Variants in TOX observed in about 807,000 individuals in gnomAD.
TOX encodes thymocyte selection associated high mobility group box.
TOX carries 11 observed loss-of-function variants against 53.7 expected under a neutral mutation model. The observed-to-expected ratio is 0.20, with a 90% CI of 0.13 to 0.34. The LOEUF (loss-of-function observed/expected upper bound fraction) is 0.34, where lower values mean the gene tolerates loss of function less well. Among genes scored for constraint, TOX ranks in the 10% least tolerant of loss-of-function variants. The pLI, the probability that TOX is intolerant of heterozygous loss-of-function variation, is 1.00. For missense variants in TOX, 570 were observed against 664.6 expected (o/e 0.86, Z 1.56); for synonymous variants, 225 against 245.3 (o/e 0.92, Z 0.77).
intron 5 of TOX, among the ~76,000 whole-genome samples, chr8:58,836,737 T>A (rs1810552652): frequency 1.3e-5 from 2 of 152,114 alleles, no homozygotes; most frequent in Non-Finnish European, 1.5e-5. Flanking sequence ...TTTCATAGGG[T>A]TTGTTAGGAA....
At chr8:59,049,002 G>A (rs1271745328) in intron 1 of TOX, among the ~76,000 whole-genome samples, 1 of 151,896 alleles carries the variant, frequency 6.6e-6, no homozygotes, top group African/African-American at 2.4e-5. Context: ...AATTAGTCAT[G>A]AGCTCTTTTC....
chr8:58,942,007 C>T (rs998510396), intron 2 of TOX, among the ~76,000 whole-genome samples: 5 of 146,540 alleles, frequency 3.4e-5, no homozygotes, highest in South Asian at 2.1e-4. Context: ...GAGCTGAGAG[C>T]GTGCCACGAC....
intron 3 of TOX, among the ~76,000 whole-genome samples, chr8:58,868,728 A>G (rs1299859040): frequency 1.3e-5 from 2 of 152,112 alleles, no homozygotes; most frequent in African/African-American, 4.8e-5. Context: ...TAAGAAAAGA[A>G]GATCCAAAAA....
chr8:58,834,705 G>A (rs766042811), intron 5 of TOX, among the ~76,000 whole-genome samples: 13 of 152,178 alleles, frequency 8.5e-5, no homozygotes, highest in African/African-American at 1.7e-4. Flanking sequence ...GCAGCAGAGC[G>A]GTGGCCCAGC....
At chr8:59,027,162 A>G (rs531262049) in intron 1 of TOX, among the ~76,000 whole-genome samples, 4 of 152,322 alleles carry the variant, frequency 2.6e-5, no homozygotes, top group African/African-American at 9.6e-5. Context: ...GTTTAATGCT[A>G]AAGTTATGTC....
intron 3 of TOX, among the ~76,000 whole-genome samples, chr8:58,928,589 G>A (rs915530648): frequency 6.6e-6 from 1 of 152,074 alleles, no homozygotes; most frequent in Non-Finnish European, 1.5e-5. Flanking sequence ...ATAGTTACGT[G>A]ATCATAGCCT....
At chr8:58,884,137 G>A (rs1313588599) in intron 3 of TOX, among the ~76,000 whole-genome samples, 1 of 152,178 alleles carries the variant, frequency 6.6e-6, no homozygotes, top group Non-Finnish European at 1.5e-5. Flanking sequence ...CAATTGGAAT[G>A]ACAATATCCT....
At chr8:58,948,400 C>A (rs562726466) in intron 2 of TOX, among the ~76,000 whole-genome samples, 1 of 152,118 alleles carries the variant, frequency 6.6e-6, no homozygotes, top group Non-Finnish European at 1.5e-5. Context: ...GCTTGGGGGT[C>A]TACATAAGTC....
intron 3 of TOX, among the ~76,000 whole-genome samples, chr8:58,865,791 C>T (rs1244710178): frequency 6.7e-6 from 1 of 148,162 alleles, no homozygotes; most frequent in African/African-American, 2.5e-5. Context: ...TTTGTCATTT[C>T]ACTATCTTTT....
At position 59,000,738 on chromosome 8, in the gene TOX, A is replaced by C. The variant is rs146094571; in HGVS notation, c.103-40730T>G. Among the ~76,000 whole-genome samples the C allele has an allele frequency of 5.5e-4, 84 of 152,294 alleles. 1 individual carries two copies. The East Asian group carries it at 0.015, about 27-fold the overall frequency. Reference sequence around the variant, plus strand: ...ATTGAAAACTTCTGTAATGTTTGCTATTTGTACAGCAATACTATATCAGTG... The same window carrying C: ...ATTGAAAACTTCTGTAATGTTTGCTCTTTGTACAGCAATACTATATCAGTG... On this transcript the variant is annotated intron_variant, in intron 1 of 8. Transcript: ENST00000361421.
chr8:58,911,559 T>A (rs910232128), intron 3 of TOX, among the ~76,000 whole-genome samples: 2 of 152,190 alleles, frequency 1.3e-5, no homozygotes, highest in African/African-American at 2.4e-5. Flanking sequence ...CATAGGTAAG[T>A]CTTCATTGAT....
At chr8:59,025,222 G>C (rs1318576617) in intron 1 of TOX, among the ~76,000 whole-genome samples, 1 of 152,106 alleles carries the variant, frequency 6.6e-6, no homozygotes, top group Non-Finnish European at 1.5e-5. Flanking sequence ...CTCTCAGGAT[G>C]AAATTCCCTG....
rs986522786 is a variant in TOX, at chr8:58,939,042, G to C, written c.411+260C>G. Among the ~76,000 whole-genome samples the C allele has an allele frequency of 2.6e-5, 4 of 152,196 alleles. No homozygotes were observed. The South Asian group carries it at 8.3e-4, about 32-fold the overall frequency. ...GGTAAGCCGGTTTGACTCTATGACA[G>C]CACATTCAGTGTCAAACAATATTTA... On this transcript the variant is annotated intron_variant, in intron 3 of 8. Coordinates refer to ENST00000361421, the MANE Select transcript of TOX (RefSeq NM_014729.3).
At chr8:58,977,007 GTATTAACCCCTAA>G (rs1164756976) in intron 1 of TOX, among the ~76,000 whole-genome samples, 4 of 152,182 alleles carry the variant, frequency 2.6e-5, no homozygotes, top group Non-Finnish European at 5.9e-5. Flanking sequence ...ATCACCAGCT[GTATTAACCCCTAA>G]CAATGGAGTC....
At position 58,851,525 on chromosome 8, in the gene TOX, T is replaced by G; in HGVS notation, c.692A>C (p.Lys231Thr). 6.2e-7 allele frequency: 1 copy of G among 1,612,516 alleles called. No homozygotes were observed. Among genetic ancestry groups the G allele is most frequent in the Non-Finnish European group, 8.5e-7 (1 of 1,179,546 alleles). Residue 231 changes from lysine to threonine, a missense_variant and splice_region_variant, in exon 4 of 9, where the codon AAG (lysine) becomes ACG (threonine). Transcript: ENST00000361421. This position sits in a 1 kb window ranked among gnomAD's most constrained non-coding sequence, Gnocchi z 4.4. ...GTCCTAAAAATAACTTATTCATACC[T>G]TAGAGGTATCATCGCCTTCATCTTC... Reference protein sequence around the residue: ...VHEDEGDDTSKINGGEKRPAS... With the variant: ...VHEDEGDDTSTINGGEKRPAS...
At chr8:58,930,723 A>G (rs1812242446) in intron 3 of TOX, among the ~76,000 whole-genome samples, 1 of 152,164 alleles carries the variant, frequency 6.6e-6, no homozygotes, top group Admixed American at 6.5e-5. Flanking sequence ...TATAACTGCT[A>G]TCCAGAACAG....
chr8:58,860,948 A>G (rs968713167), intron 3 of TOX, among the ~76,000 whole-genome samples: 2 of 152,236 alleles, frequency 1.3e-5, no homozygotes, highest in Non-Finnish European at 1.5e-5. Context: ...GTTATGGCGT[A>G]TAGCGTTGCC....
chr8:59,083,479 A>G (rs531715601), intron 1 of TOX, among the ~76,000 whole-genome samples: 1 of 152,318 alleles, frequency 6.6e-6, no homozygotes, highest in Admixed American at 6.5e-5. Context: ...CATCATTTCA[A>G]TTTTAAAATC....
chr8:59,058,721 A>G (rs1259324118), intron 1 of TOX, among the ~76,000 whole-genome samples: 1 of 152,204 alleles, frequency 6.6e-6, no homozygotes, highest in Non-Finnish European at 1.5e-5. Context: ...CCCAGGTTCC[A>G]GAAGGAGCTC....
Sources: gnomAD v4.1 joint callset for allele counts (sites outside exome capture counted in the v4.1 genomes callset) on GRCh38, gnomAD v4.1.1 for gene constraint, Gnocchi (gnomAD v3.1) non-coding constraint, MANE v1.5 for transcripts, NCBI Gene and HGNC (gene_info 2026-07-23, HGNC 2026-07-21) for gene names.